Variants in TANC2 observed in about 807,000 individuals in gnomAD.
TANC2 encodes the protein protein TANC2.
In TANC2, 26 loss-of-function variants were observed where a neutral mutation model predicts 210.5. That is an observed-to-expected ratio of 0.12 (90% CI 0.09 to 0.17). The LOEUF is 0.17. TANC2 is among the 10% of genes least tolerant of loss of function. The probability of loss-of-function intolerance (pLI) is 1.00; values close to 1 mark genes in which losing one functional copy is unlikely to be tolerated. For synonymous variants in TANC2, 931 were observed against 967.1 expected, an observed-to-expected ratio of 0.96 and a Z score of 0.69; for missense variants, 2,129 against 2,608.9, an observed-to-expected ratio of 0.82 and a Z score of 4.01.
At chr17:63,000,720 A>G (rs1182707577) in intron 1 of TANC2, among the ~76,000 whole-genome samples, 3 of 152,178 alleles carry the variant, frequency 2.0e-5, no homozygotes, top group Non-Finnish European at 4.4e-5. Context: ...GAACATCTTA[A>G]AATTTGGATG....
chr17:63,172,804 A>G (rs978698274), intron 5 of TANC2, among the ~76,000 whole-genome samples: 11 of 152,222 alleles, frequency 7.2e-5, no homozygotes, highest in Admixed American at 2.0e-4. Flanking sequence ...TAGACTTTCT[A>G]ATTTACTGCA....
intron 1 of TANC2, among the ~76,000 whole-genome samples, chr17:62,982,114 A>G (rs1422606339): frequency 6.6e-6 from 1 of 152,148 alleles, no homozygotes; most frequent in African/African-American, 2.4e-5. Flanking sequence ...TATGGGTCAA[A>G]ATCTCAACTC....
At chr17:63,298,748 T>C (rs556006146) in intron 9 of TANC2, among the ~76,000 whole-genome samples, 8 of 152,252 alleles carry the variant, frequency 5.3e-5, no homozygotes, top group South Asian at 2.1e-4. Flanking sequence ...GAGATTTCCT[T>C]TTTTATTTAT....
At chr17:63,270,654 CA>C (rs2043672285) in intron 9 of TANC2, among the ~76,000 whole-genome samples, 1 of 152,058 alleles carries the variant, frequency 6.6e-6, no homozygotes, top group Non-Finnish European at 1.5e-5. Flanking sequence ...AGTACTCTGA[CA>C]AGTTCTGTGA....
intron 2 of TANC2, among the ~76,000 whole-genome samples, chr17:63,040,102 TCAGTAGAATGAACCTTGGAGTTGG>T (rs1196151109): frequency 1.3e-5 from 2 of 152,176 alleles, no homozygotes; most frequent in African/African-American, 2.4e-5. Context: ...ATATGGAAAA[TCAGTAGAATGAACCTTGGAGTTGG>T]CACTTCATAT....
intron 5 of TANC2, among the ~76,000 whole-genome samples, chr17:63,166,952 G>A (rs1211675485): frequency 6.6e-6 from 1 of 152,104 alleles, no homozygotes; most frequent in Non-Finnish European, 1.5e-5. Flanking sequence ...GAGAAAAAAA[G>A]GAGACAGAAG....
chr17:63,092,613 G>A (rs2037239757), intron 3 of TANC2, among the ~76,000 whole-genome samples: 1 of 152,034 alleles, frequency 6.6e-6, no homozygotes, highest in Non-Finnish European at 1.5e-5. Context: ...GGAAGCTTTA[G>A]GGAACTTTCA....
chr17:63,014,014 C>T (rs539849641), intron 2 of TANC2, among the ~76,000 whole-genome samples: 3 of 152,028 alleles, frequency 2.0e-5, no homozygotes, highest in Middle Eastern at 3.4e-3. Flanking sequence ...ATGCTTTATG[C>T]TGGATATTTT....
chr17:63,377,671 A>G (rs1291609982), intron 14 of TANC2, among the ~76,000 whole-genome samples: 3 of 151,844 alleles, frequency 2.0e-5, no homozygotes, highest in Non-Finnish European at 4.4e-5. Context: ...AACTGTTCCA[A>G]CCTCTGCCTG....
chr17:63,114,563 G>A (rs1425958044), intron 4 of TANC2, among the ~76,000 whole-genome samples: 2 of 152,116 alleles, frequency 1.3e-5, no homozygotes. Flanking sequence ...GTAGAAAGTT[G>A]GCCAAAGCTT....
intron 11 of TANC2, among the ~76,000 whole-genome samples, chr17:63,335,599 C>T (rs534307469): frequency 1.8e-4 from 26 of 145,720 alleles, no homozygotes; most frequent in Middle Eastern, 7.0e-3. Context: ...GGCAACAGTG[C>T]GAGACTCTTT....
At chr17:63,281,398 G>A (rs1253370061) in intron 9 of TANC2, among the ~76,000 whole-genome samples, 2 of 152,034 alleles carry the variant, frequency 1.3e-5, no homozygotes, top group African/African-American at 4.8e-5. Flanking sequence ...TGTAAGCCTT[G>A]CCCCAGATCC....
At chr17:63,068,635 A>G (rs182419747) in intron 2 of TANC2, among the ~76,000 whole-genome samples, 1 of 152,336 alleles carries the variant, frequency 6.6e-6, no homozygotes, top group East Asian at 1.9e-4. Context: ...CGACAGATAA[A>G]TTTCAAAACA....
At chr17:63,073,953 C>T (rs368947999) in exon 3 of TANC2, 41 of 1,584,468 alleles carry the variant, frequency 2.6e-5, no homozygotes, top group South Asian at 3.5e-5. Context: ...ATGGAGGGAG[C>T]GAGGAACCAC....
chr17:63,336,031 ATTC>A (rs1196352406), intron 11 of TANC2, among the ~76,000 whole-genome samples: 1 of 152,194 alleles, frequency 6.6e-6, no homozygotes, highest in Non-Finnish European at 1.5e-5. Flanking sequence ...CCTGGGATCT[ATTC>A]TTAGCATCTA....
intron 4 of TANC2, among the ~76,000 whole-genome samples, chr17:63,142,935 G>C (rs1244833898): frequency 6.6e-6 from 1 of 152,004 alleles, no homozygotes; most frequent in Non-Finnish European, 1.5e-5. Context: ...ATGGCACTTG[G>C]CTTTCTCCTG....
chr17:63,388,404 T>G (rs1488834780), intron 15 of TANC2, among the ~76,000 whole-genome samples: 1 of 151,808 alleles, frequency 6.6e-6, no homozygotes, highest in Non-Finnish European at 1.5e-5. Context: ...AAAAGAGAGG[T>G]GTTGAGTAGA....
intron 14 of TANC2, among the ~76,000 whole-genome samples, chr17:63,376,413 T>C (rs548415244): frequency 4.6e-5 from 7 of 152,280 alleles, no homozygotes; most frequent in Admixed American, 1.3e-4. Flanking sequence ...GCTGATAGTT[T>C]TATAAGTGTC....
intron 4 of TANC2, among the ~76,000 whole-genome samples, chr17:63,115,300 G>C (rs954780299): frequency 6.6e-6 from 1 of 152,106 alleles, no homozygotes; most frequent in Non-Finnish European, 1.5e-5. Flanking sequence ...TTGCCCTACA[G>C]TTTTCTAGTT....
Sources: allele counts gnomAD v4.1 joint callset (sites outside exome capture counted in the v4.1 genomes callset), GRCh38; gene constraint gnomAD v4.1.1; transcripts MANE v1.5; gene names NCBI Gene and HGNC (gene_info 2026-07-23, HGNC 2026-07-21).